Variants in RBM28 observed in about 807,000 individuals in gnomAD.
RBM28 encodes the protein RNA binding motif protein 28.
Under a neutral mutation model 98.3 loss-of-function variants are expected in RBM28, and 78 were observed. The ratio of observed to expected loss-of-function variants is 0.79; its 90% CI spans 0.66 to 0.96. RBM28 has a LOEUF of 0.96. Ranked by LOEUF, RBM28 falls within the 40% of genes least tolerant of loss-of-function variation. The pLI is 0.00. For synonymous variants in RBM28, 306 were observed against 330.9 expected (o/e 0.92, Z 0.82); for missense variants, 838 against 913.0 (o/e 0.92, Z 1.06).
intron 1 of RBM28, among the ~76,000 whole-genome samples, chr7:128,343,103 T>C (rs1232836771): frequency 1.3e-5 from 2 of 152,212 alleles, no homozygotes; most frequent in Non-Finnish European, 2.9e-5. Context: ...TTTGGTTTGG[T>C]GTTGTGCACT....
At chr7:128,325,698 TGTTA>T in intron 11 of RBM28, 116 bp downstream of exon 11, 1 of 733,400 alleles carries the variant, frequency 1.4e-6, no homozygotes, top group Admixed American at 2.1e-5. Context: ...GCTAAATAAG[TGTTA>T]GTTTTATTAT....
At chr7:128,336,709 C>A (rs1020229846) in intron 6 of RBM28, among the ~76,000 whole-genome samples, 1 of 152,220 alleles carries the variant, frequency 6.6e-6, no homozygotes, top group Non-Finnish European at 1.5e-5. Context: ...CAGTCTCATT[C>A]TTTTGGTTAA....
intron 9 of RBM28, among the ~76,000 whole-genome samples, chr7:128,331,403 C>A (rs187362262): frequency 1.1e-3 from 161 of 151,500 alleles, no homozygotes; most frequent in African/African-American, 3.7e-3. Context: ...CCCAGAACTG[C>A]CCAGATTTTC....
chr7:128,315,149 T>C (rs1796081134), intron 16 of RBM28, 129 bp from the exon 17 acceptor site: 5 of 1,359,050 alleles, frequency 3.7e-6, no homozygotes, highest in Admixed American at 1.8e-5. Flanking sequence ...AATTGGAGAC[T>C]AGAGGAAAGT....
At chr7:128,340,806 A>T (rs1304076329) in intron 1 of RBM28, among the ~76,000 whole-genome samples, 1 of 152,218 alleles carries the variant, frequency 6.6e-6, no homozygotes, top group Admixed American at 6.5e-5. Flanking sequence ...TTTTATCTTT[A>T]GAACACCTCA....
Position 128,303,608 on chromosome 7 carries a change from C to T in RBM28, c.*7189G>A, listed in dbSNP as rs536966087. 60 of 152,404 alleles carry T rather than the reference C, an allele frequency of 3.9e-4. No homozygotes were observed. The highest frequency in any genetic ancestry group is 1.4e-3 in the African/African-American group (59 of 41,572). The allele number at this position is 152,404 out of a possible 1,614,324, so 9.4% of individuals were successfully genotyped here. ...GCAAAGCCCCACCCACAGGCAGCTG[C>T]TCCAGGTGTCGTTTAAGGGCTCCAA... On this transcript the variant is annotated 3_prime_UTR_variant, in exon 19 of 19. Transcript: ENST00000223073.
Position 128,343,693 on chromosome 7 carries a change from A to C in RBM28, c.101T>G (p.Phe34Cys). Reference protein sequence around the residue: ...FSQVGPVKQCFVVTEKGSKAC... With the variant: ...FSQVGPVKQCCVVTEKGSKAC... ...GCCCCTACCTTTTTCAGTCACCACGAAGCACTGCTTCACCGGCCCCACCTG... is the reference window on the plus strand; with the variant it reads ...GCCCCTACCTTTTTCAGTCACCACGCAGCACTGCTTCACCGGCCCCACCTG... Residue 34 changes from phenylalanine (F) to cysteine (C), a missense_variant, in exon 1 of 19, where the codon TTC (phenylalanine) becomes TGC (cysteine). Physicochemically the swap from Phe to Cys is radical, Grantham distance 205. Coordinates refer to ENST00000223073, the MANE Select transcript of RBM28 (RefSeq NM_018077.3). 1 of 1,611,010 alleles carries C rather than the reference A, an allele frequency of 6.2e-7. No individual in the cohort carries two copies. The highest frequency in any genetic ancestry group is 8.5e-7 in the Non-Finnish European group (1 of 1,178,350).
intron 5 of RBM28, 93 bp from the exon 6 acceptor site, chr7:128,337,295 C>T: frequency 7.9e-7 from 1 of 1,273,052 alleles, no homozygotes. Context: ...ATAATGGAAC[C>T]AGTGGAGACA....
rs1562941848 is a variant in RBM28, at chr7:128,298,060, C to CA, written c.*12736_*12737insT. On this transcript the variant is annotated 3_prime_UTR_variant, in exon 19 of 19. Transcript: ENST00000223073. ...CTAGATGACGAGTTAGTGGGTGCAG[C>CA]GACCAGCATGTCACATGTATACATA... 1.6e-3 allele frequency: 47 copies of CA among 28,652 alleles called. No individual in the cohort carries two copies. Among genetic ancestry groups the CA allele is most frequent in the Middle Eastern group, 0.059 (2 of 34 alleles). 1.8% of individuals were successfully genotyped at this position (28,652 alleles called of 1,614,324 possible).
intron 10 of RBM28, among the ~76,000 whole-genome samples, chr7:128,329,229 A>G (rs1796419353): frequency 1.3e-5 from 2 of 151,920 alleles, no homozygotes; most frequent in South Asian, 4.1e-4. Context: ...CCTCCCGAGT[A>G]GCTGGGATTA....
intron 1 of RBM28, among the ~76,000 whole-genome samples, chr7:128,341,753 T>G (rs1231867042): frequency 3.3e-5 from 5 of 152,248 alleles, no homozygotes; most frequent in Non-Finnish European, 7.3e-5. Context: ...TACAACCACC[T>G]GGGTACGGAA....
intron 13 of RBM28, 84 bp downstream of exon 13, chr7:128,323,442 GA>G: frequency 6.6e-7 from 1 of 1,507,192 alleles, no homozygotes; most frequent in Non-Finnish European, 9.2e-7. Context: ...TGGGCTCTTT[GA>G]TGAGCACATC....
At position 128,332,756 on chromosome 7, in the gene RBM28, G is replaced by A. The variant is rs1796508786; in HGVS notation, c.1019+534C>T. Among the ~76,000 whole-genome samples, 2 of 152,134 alleles carry A rather than the reference G, an allele frequency of 1.3e-5. 1 individual carries two copies. Among genetic ancestry groups the A allele is most frequent in the Admixed American group, 1.3e-4 (2 of 15,270 alleles). On this transcript the variant is annotated intron_variant, in intron 9 of 18. Transcript: ENST00000223073. Reference sequence around the variant, plus strand: ...CTTAAGGACTAGAAGGCAGGCCTGAGGTATACTGAAGACATCCTGACCTCA... The same window carrying A: ...CTTAAGGACTAGAAGGCAGGCCTGAAGTATACTGAAGACATCCTGACCTCA...
intron 8 of RBM28, 115 bp downstream of exon 8, chr7:128,335,428 G>A (rs1306931036): frequency 7.9e-7 from 1 of 1,264,712 alleles, no homozygotes; most frequent in Non-Finnish European, 1.1e-6. Flanking sequence ...ACATAAATTT[G>A]ATAGAACACC....
Position 128,335,930 on chromosome 7 carries a change from T to A in RBM28, c.726A>T (p.Glu242Asp), listed in dbSNP as rs970478158. 11 of 1,606,776 alleles carry A rather than the reference T, an allele frequency of 6.8e-6. No homozygotes were observed. The highest frequency in any genetic ancestry group is 2.7e-5 in the African/African-American group (2 of 74,144). Residue 242 changes from glutamate to aspartate, a missense_variant, in exon 7 of 19, where the codon GAA (glutamate) becomes GAT (aspartate). By Grantham distance (45) the Glu-to-Asp change is conservative. Transcript: ENST00000223073. ...CTTCATCATCAAAAACCCCATCTTC[T>A]TCATCATCATCATCGTCATCATCAT... The part of the protein sequence containing the change: ...ENDDDDDDDD[E>D]EDGVFDDEDE...
intron 9 of RBM28, 57 bp downstream of exon 9, chr7:128,333,233 A>G: frequency 7.3e-7 from 1 of 1,364,054 alleles, no homozygotes; most frequent in Non-Finnish European, 1.0e-6. Context: ...GAGAAGAAGA[A>G]GGAAGAGAGA....
In RBM28 at chr7:128,309,128, T is replaced by C. The variant is rs1218896505; in HGVS notation, c.*1669A>G. On this transcript the variant is annotated 3_prime_UTR_variant, in exon 19 of 19. Transcript: ENST00000223073. ...GCCTACTGAATACTGTTTCTTCCTT[T>C]CCTACCTTATTTTTTTCATTCAACA... 1 of 152,264 alleles carries C rather than the reference T, an allele frequency of 6.6e-6. No homozygotes were observed. The highest frequency in any genetic ancestry group is 1.5e-5 in the Non-Finnish European group (1 of 68,082). The allele number at this position is 152,264 out of a possible 1,614,324, so 9.4% of individuals were successfully genotyped here.
Position 128,302,008 on chromosome 7 carries a change from G to C in RBM28, c.*8789C>G, listed in dbSNP as rs990309536. 1.3e-5 allele frequency: 2 copies of C among 152,236 alleles called. No homozygotes were observed. Among genetic ancestry groups the C allele is most frequent in the African/African-American group, 4.8e-5 (2 of 41,462 alleles). 9.4% of individuals were successfully genotyped at this position (152,236 alleles called of 1,614,324 possible). On this transcript the variant is annotated 3_prime_UTR_variant, in exon 19 of 19. Coordinates refer to ENST00000223073, the MANE Select transcript of RBM28 (RefSeq NM_018077.3). Reference sequence around the variant, plus strand: ...TCTGCAAGCAGAGGGGTAAGGGACTGTTTGCCTCCTACAGATTTCCCTTCT... The same window carrying C: ...TCTGCAAGCAGAGGGGTAAGGGACTCTTTGCCTCCTACAGATTTCCCTTCT...
At chr7:128,341,802 T>C (rs775566648) in intron 1 of RBM28, among the ~76,000 whole-genome samples, 2 of 152,220 alleles carry the variant, frequency 1.3e-5, no homozygotes, top group Non-Finnish European at 2.9e-5. Flanking sequence ...CATATATTCT[T>C]TATTTAAAAC....
Sources: gnomAD v4.1 joint callset for allele counts (sites outside exome capture counted in the v4.1 genomes callset) on GRCh38, gnomAD v4.1.1 for gene constraint, MANE v1.5 for transcripts, NCBI Gene and HGNC (gene_info 2026-07-23, HGNC 2026-07-21) for gene names.